Variants in AFDN observed in about 807,000 individuals in gnomAD.
AFDN encodes the protein afadin, adherens junction formation factor.
Under a neutral mutation model 216.6 loss-of-function variants are expected in AFDN, and 68 were observed. That is an observed-to-expected ratio of 0.31 (90% CI 0.26 to 0.38). The LOEUF (loss-of-function observed/expected upper bound fraction) is 0.38. Ranked by LOEUF, AFDN falls within the 10% of genes least tolerant of loss-of-function variation. The probability of loss-of-function intolerance (pLI) is 1.00; values close to 1 mark genes in which losing one functional copy is unlikely to be tolerated. For missense variants in AFDN, 2,136 were observed against 2,342.0 expected (o/e 0.91, Z 1.82); for synonymous variants, 868 against 853.7 (o/e 1.02, Z -0.29).
At chr6:167,884,777 A>G (rs1216681371) in intron 6 of AFDN, among the ~76,000 whole-genome samples, 1 of 152,192 alleles carries the variant, frequency 6.6e-6, no homozygotes, top group Non-Finnish European at 1.5e-5. Flanking sequence ...ATTGGCCTCA[A>G]CTTAAAGTCA....
intron 23 of AFDN, among the ~76,000 whole-genome samples, chr6:167,935,647 G>A (rs1583469831): frequency 6.6e-6 from 1 of 152,218 alleles, no homozygotes; most frequent in African/African-American, 2.4e-5. Context: ...AGAATAAATG[G>A]ACTAAAATGC....
At chr6:167,926,508 T>A (rs1248840435) in intron 23 of AFDN, among the ~76,000 whole-genome samples, 1 of 152,232 alleles carries the variant, frequency 6.6e-6, no homozygotes, top group African/African-American at 2.4e-5. Context: ...AGTGGCACAA[T>A]CACAGCTTTG....
At chr6:167,957,620 T>G (rs1346206173) in intron 30 of AFDN, among the ~76,000 whole-genome samples, 2 of 152,218 alleles carry the variant, frequency 1.3e-5, no homozygotes, top group Admixed American at 1.3e-4. Flanking sequence ...TTCCTTTATA[T>G]CGCATGGGCA....
At chr6:167,927,862 CTA>C (rs1792767323) in intron 23 of AFDN, among the ~76,000 whole-genome samples, 1 of 152,170 alleles carries the variant, frequency 6.6e-6, no homozygotes, top group Non-Finnish European at 1.5e-5. Context: ...AGCCATAGAG[CTA>C]TGTTTTCTCT....
chr6:167,838,199 A>ATTAC (rs1780659066), intron 1 of AFDN, among the ~76,000 whole-genome samples: 1 of 152,202 alleles, frequency 6.6e-6, no homozygotes, highest in Non-Finnish European at 1.5e-5. Context: ...AGCTTCACTG[A>ATTAC]TTACTTTCTT....
rs146641392 is a variant in AFDN, at chr6:167,922,883, G to A, written c.2936G>A (p.Arg979His). 33 of 1,612,336 alleles carry A rather than the reference G, an allele frequency of 2.0e-5. No individual in the cohort carries two copies. Among genetic ancestry groups the A allele is most frequent in the Non-Finnish European group, 2.5e-5 (29 of 1,179,334 alleles). ...RGFCRLIPHT[R>H]SPGTWTIYFE... ...TTTTGCAGGTTAATTCCTCACACACGTTCACCAGGTACTTGGACAATATAT... is the reference window on the plus strand; with the variant it reads ...TTTTGCAGGTTAATTCCTCACACACATTCACCAGGTACTTGGACAATATAT... Residue 979 changes from arginine to histidine, a missense_variant, in exon 22 of 34, where the codon CGT becomes CAT. Coordinates refer to ENST00000683244, the MANE Select transcript of AFDN (RefSeq NM_001386888.1).
chr6:167,827,146 G>C lies in AFDN; in HGVS notation c.14G>C (p.Gly5Ala). Residue 5 changes from glycine to alanine, a missense_variant, in exon 1 of 34, where the codon GGC (glycine) becomes GCC (alanine). Coordinates refer to ENST00000683244, the MANE Select transcript of AFDN (RefSeq NM_001386888.1). MSAG[G>A]RDEERRKLAD... ...GCGGCCAGGACCATGTCGGCGGGCG[G>C]CCGTGACGAGGAGCGGCGGAAGCTG... 7.7e-7 allele frequency: 1 copy of C among 1,293,000 alleles called. No homozygotes were observed. The highest frequency in any genetic ancestry group is 1.0e-6 in the Non-Finnish European group (1 of 991,848). 80.1% of individuals were successfully genotyped at this position (1,293,000 alleles called of 1,614,324 possible). A position where few individuals can be genotyped will look rare whatever the true frequency, so the allele number is the denominator to read the frequency against.
intron 26 of AFDN, 21 bp downstream of exon 26, chr6:167,944,080 A>C (rs1794996654): frequency 2.5e-6 from 4 of 1,586,578 alleles, no homozygotes; most frequent in Non-Finnish European, 3.5e-6. Flanking sequence ...GTAGGGAAAC[A>C]ACAGTGTTTT....
At chr6:167,893,630 G>A (rs1366927941) in intron 8 of AFDN, 2 of 478,364 alleles carry the variant, frequency 4.2e-6, no homozygotes, top group East Asian at 6.9e-5. Flanking sequence ...GTTGTCCTGT[G>A]GTTTCCCTTA....
chr6:167,913,622 C>T (rs1790683352), intron 16 of AFDN, 199 bp downstream of exon 16: 1 of 569,798 alleles, frequency 1.8e-6, no homozygotes, highest in South Asian at 2.4e-5. Context: ...TAATGCACTT[C>T]AGTGTGGATA....
At chr6:167,860,160 T>C (rs1303029988) in intron 1 of AFDN, among the ~76,000 whole-genome samples, 9 of 23,284 alleles carry the variant, frequency 3.9e-4, no homozygotes, top group Admixed American at 2.9e-3. Context: ...ACAGCAATGC[T>C]TTTTTTTTTT....
intron 1 of AFDN, among the ~76,000 whole-genome samples, chr6:167,841,759 T>C (rs1369991938): frequency 6.6e-6 from 1 of 152,172 alleles, no homozygotes; most frequent in Non-Finnish European, 1.5e-5. Flanking sequence ...TTGCTAATTT[T>C]TTTTTTCTAC....
rs1212681545 is a variant in AFDN at position 167,962,824 on chromosome 6, G to A, written c.4968+257G>A. 42 of 1,309,502 alleles carry A rather than the reference G, an allele frequency of 3.2e-5. No homozygotes were observed. Among genetic ancestry groups the A allele is most frequent in the Non-Finnish European group, 4.0e-5 (41 of 1,026,008 alleles). 81.1% of individuals were successfully genotyped at this position (1,309,502 alleles called of 1,614,324 possible). On this transcript the variant is annotated intron_variant, in intron 31 of 33. Transcript: ENST00000683244. The surrounding 1 kb of genome is among the most constrained non-coding windows in gnomAD (Gnocchi z 5.2). Reference sequence around the variant, plus strand: ...ACTTCTGAACTCTTGGGCGTGTGTAGCAGTGAGCCTCTTTGCAAAGGGTTC... The same window carrying A: ...ACTTCTGAACTCTTGGGCGTGTGTAACAGTGAGCCTCTTTGCAAAGGGTTC...
In AFDN at chr6:167,934,767, C is replaced by T. The variant is rs74338081; in HGVS notation, c.3100-8362C>T. ...CTGTTTATCACGTTGTACTCCCACA[C>T]GCACTCAGGGTTTGCTACTGGAATG... On this transcript the variant is annotated intron_variant, in intron 23 of 33. Transcript: ENST00000683244. Among the ~76,000 whole-genome samples, 657 of 152,230 alleles carry T rather than the reference C, an allele frequency of 4.3e-3. 3 individuals are homozygous for T. Among genetic ancestry groups the T allele is most frequent in the African/African-American group, 0.015 (626 of 41,532 alleles).
At position 167,951,150 on chromosome 6, in the gene AFDN, A is replaced by G. The variant is rs1385782557; in HGVS notation, c.3832-36A>G. 1 of 1,512,624 alleles carries G rather than the reference A, an allele frequency of 6.6e-7. No individual in the cohort carries two copies. The highest frequency in any genetic ancestry group is 1.8e-4 in the Middle Eastern group (1 of 5,546). The allele number at this position is 1,512,624 out of a possible 1,614,324, so 93.7% of individuals were successfully genotyped here. On this transcript the variant is annotated intron_variant, in intron 29 of 33. Coordinates refer to ENST00000683244, the MANE Select transcript of AFDN (RefSeq NM_001386888.1). This position sits in a 1 kb window ranked among gnomAD's most constrained non-coding sequence, Gnocchi z 7.1. ...GTGGATATTTGGTAATTTCTAGTAA[A>G]TGGCTGAAATATAATAATTCTTTTT...
At chr6:167,923,407 G>GTTAA (rs1792072735) in intron 22 of AFDN, among the ~76,000 whole-genome samples, 1 of 151,924 alleles carries the variant, frequency 6.6e-6, no homozygotes, top group Admixed American at 6.5e-5. Flanking sequence ...TTTCATACAT[G>GTTAA]TTAAGAACAA....
chr6:167,907,698 CAG>C (rs1339978344), intron 13 of AFDN, among the ~76,000 whole-genome samples: 3 of 151,982 alleles, frequency 2.0e-5, no homozygotes, highest in East Asian at 3.8e-4. Flanking sequence ...GATTTTGAAA[CAG>C]ATTTTAAGAA....
At chr6:167,946,579 A>AT (rs3839647) in intron 26 of AFDN, 128 bp from the exon 27 acceptor site, 322,011 of 734,146 alleles carry the variant, frequency 0.44, 74,560 homozygotes, top group East Asian at 0.8. Flanking sequence ...CTGTTTTATG[A>AT]TTCTGTAGGA....
intron 23 of AFDN, among the ~76,000 whole-genome samples, chr6:167,939,614 A>G (rs1343808031): frequency 6.6e-6 from 1 of 152,234 alleles, no homozygotes; most frequent in Non-Finnish European, 1.5e-5. Flanking sequence ...TTAGGACAAT[A>G]CAGGCGCTCG....
Sources: gnomAD v4.1 joint callset for allele counts (sites outside exome capture counted in the v4.1 genomes callset) on GRCh38, gnomAD v4.1.1 for gene constraint, Gnocchi (gnomAD v3.1) non-coding constraint, MANE v1.5 for transcripts, NCBI Gene and HGNC (gene_info 2026-07-23, HGNC 2026-07-21) for gene names.